Variants in METTL15 observed in about 807,000 individuals in gnomAD.
METTL15 encodes the protein 12S rRNA N(4)-cytidine methyltransferase METTL15.
In METTL15, 34 loss-of-function variants were observed where a neutral mutation model predicts 38.3. That is an observed-to-expected ratio of 0.89 (90% CI 0.68 to 1.18). The LOEUF (loss-of-function observed/expected upper bound fraction) is 1.18. METTL15 is among the 50% of genes most tolerant of loss of function. The probability of loss-of-function intolerance (pLI) is 0.00; values close to 1 mark genes in which losing one functional copy is unlikely to be tolerated. For synonymous variants in METTL15, 162 were observed against 170.9 expected (o/e 0.95, Z 0.41); for missense variants, 438 against 498.4 (o/e 0.88, Z 1.15).
At chr11:28,440,388 GA>G (rs1293447808) in intron 6 of METTL15, among the ~76,000 whole-genome samples, 4 of 151,960 alleles carry the variant, frequency 2.6e-5, no homozygotes, top group East Asian at 3.9e-4. Context: ...TGCCACAAAA[GA>G]AAAAAATCCT....
intron 6 of METTL15, among the ~76,000 whole-genome samples, chr11:28,442,077 C>G (rs1350852524): frequency 6.6e-6 from 1 of 152,038 alleles, no homozygotes; most frequent in Non-Finnish European, 1.5e-5. Context: ...AACTAACTTA[C>G]CTGAGGAAGA....
At chr11:28,394,478 CA>C (rs1850547785) in intron 5 of METTL15, among the ~76,000 whole-genome samples, 2 of 151,900 alleles carry the variant, frequency 1.3e-5, no homozygotes, top group African/African-American at 4.8e-5. Flanking sequence ...CTCTGGCTCA[CA>C]AGGAGGGGGG....
chr11:28,114,738 A>C (rs1441640619), intron 3 of METTL15, among the ~76,000 whole-genome samples: 5 of 152,168 alleles, frequency 3.3e-5, no homozygotes, highest in Admixed American at 1.3e-4. Flanking sequence ...GGCTTGAGCC[A>C]CCATGCCCGG....
intron 5 of METTL15, among the ~76,000 whole-genome samples, chr11:28,399,373 T>G (rs1338731635): frequency 2.0e-5 from 3 of 151,948 alleles, no homozygotes; most frequent in Admixed American, 6.6e-5. Flanking sequence ...GCATCAAGAC[T>G]AAGGGAATTT....
chr11:28,108,670 T>G lies in METTL15; in HGVS notation c.-254+218T>G, dbSNP rs557561216. Among the ~76,000 whole-genome samples the G allele has an allele frequency of 3.9e-5, 6 of 152,350 alleles. No individual in the cohort carries two copies. In the East Asian group the frequency reaches 9.6e-4, roughly 24 times the overall value. On this transcript the variant is annotated intron_variant, in intron 1 of 6. Transcript: ENST00000407364. ...TGAATTAATTGGAGATCTTTTGGGT[T>G]GAGGCCTCAGGCTTCATTTCTCAGG...
intron 3 of METTL15, among the ~76,000 whole-genome samples, chr11:28,347,631 C>A (rs1850006868): frequency 6.6e-6 from 1 of 152,278 alleles, no homozygotes; most frequent in East Asian, 1.9e-4. Context: ...GTGCAAAATA[C>A]AGAGGAAAGT....
At chr11:28,457,311 T>A (rs1851177192) in intron 6 of METTL15, among the ~76,000 whole-genome samples, 1 of 152,240 alleles carries the variant, frequency 6.6e-6, no homozygotes, top group Non-Finnish European at 1.5e-5. Context: ...CTAATCCTCC[T>A]ACATGAATGC....
At chr11:28,117,221 A>G (rs1470441830) in intron 3 of METTL15, among the ~76,000 whole-genome samples, 2 of 146,006 alleles carry the variant, frequency 1.4e-5, no homozygotes, top group African/African-American at 5.1e-5. Context: ...ATACATATAT[A>G]CACCTATATA....
At chr11:28,320,559 C>T (rs893449792) in intron 6 of METTL15, among the ~76,000 whole-genome samples, 1 of 151,758 alleles carries the variant, frequency 6.6e-6, no homozygotes, top group Non-Finnish European at 1.5e-5. Flanking sequence ...CCCTGTGCCC[C>T]CGACCCCCCA....
chr11:28,226,324 G>T (rs1853476002), intron 4 of METTL15, among the ~76,000 whole-genome samples: 2 of 151,868 alleles, frequency 1.3e-5, no homozygotes, highest in South Asian at 4.1e-4. Context: ...ACTATTTTTA[G>T]TGATTTATAC....
intron 4 of METTL15, among the ~76,000 whole-genome samples, chr11:28,212,385 G>A (rs1157537068): frequency 6.6e-6 from 1 of 152,022 alleles, no homozygotes; most frequent in Non-Finnish European, 1.5e-5. Context: ...TAACTTAGAT[G>A]CGCCTTCTTT....
At chr11:28,491,205 G>C (rs966619616) in intron 6 of METTL15, among the ~76,000 whole-genome samples, 2 of 152,122 alleles carry the variant, frequency 1.3e-5, no homozygotes, top group Admixed American at 6.5e-5. Context: ...AGGACATAGA[G>C]TGGAAGGAGT....
intron 6 of METTL15, among the ~76,000 whole-genome samples, chr11:28,490,527 G>A (rs1851485772): frequency 1.3e-5 from 2 of 152,054 alleles, no homozygotes; most frequent in Admixed American, 6.6e-5. Context: ...AAAATCACTG[G>A]CAAAGCAGGG....
chr11:28,515,099 G>C (rs1455334308), intron 6 of METTL15, among the ~76,000 whole-genome samples: 1 of 152,102 alleles, frequency 6.6e-6, no homozygotes, highest in African/African-American at 2.4e-5. Flanking sequence ...TTAATTGACT[G>C]CCTAATAAGC....
intron 4 of METTL15, among the ~76,000 whole-genome samples, chr11:28,269,645 T>C (rs2133954522): frequency 6.6e-6 from 1 of 152,324 alleles, no homozygotes; most frequent in East Asian, 1.9e-4. Context: ...CTCTTAACAT[T>C]TGTTTACTAT....
At position 28,346,247 on chromosome 11, in the gene METTL15, G is replaced by A. The variant is rs11030285; in HGVS notation, c.*190-5843G>A. 4.3e-4 allele frequency among the ~76,000 whole-genome samples: 66 copies of A among 152,172 alleles called. No homozygotes were observed. The East Asian group carries it at 0.012, about 28-fold the overall frequency. ...TGAAACAGGCACATTATCCTTTGAG[G>A]AAAGGGCACATTGTTATGTTTTTTT... is the stretch of plus-strand genomic sequence containing the variant. On this transcript the variant is annotated intron_variant and NMD_transcript_variant, in intron 3 of 7. Transcript: ENST00000532947.
intron 3 of METTL15, among the ~76,000 whole-genome samples, chr11:28,341,481 C>T (rs754038773): frequency 2.0e-5 from 3 of 152,064 alleles, no homozygotes; most frequent in African/African-American, 4.8e-5. Flanking sequence ...ATCCATTTTA[C>T]AAAAGCAGTC....
At chr11:28,187,246 G>T (rs1437391275) in intron 3 of METTL15, among the ~76,000 whole-genome samples, 1 of 151,158 alleles carries the variant, frequency 6.6e-6, no homozygotes, top group Non-Finnish European at 1.5e-5. Context: ...GGCCTTCTCT[G>T]ACCAAATAAA....
chr11:28,282,676 T>G (rs1490085993), intron 4 of METTL15, among the ~76,000 whole-genome samples: 1 of 152,140 alleles, frequency 6.6e-6, no homozygotes, highest in Non-Finnish European at 1.5e-5. Context: ...TGCCCTACAT[T>G]GTTACTTTGA....
Sources: gnomAD v4.1 joint callset for allele counts (sites outside exome capture counted in the v4.1 genomes callset) on GRCh38, gnomAD v4.1.1 for gene constraint, MANE v1.5 for transcripts, NCBI Gene and HGNC (gene_info 2026-07-23, HGNC 2026-07-21) for gene names.